Variants in LBP observed in about 807,000 individuals in gnomAD.
LBP encodes the protein lipopolysaccharide binding protein, also known as lipopolysaccharide-binding protein.
In LBP, 53 loss-of-function variants were observed where a neutral mutation model predicts 56.6. That is an observed-to-expected ratio of 0.94 (90% CI 0.75 to 1.18). LBP has a LOEUF of 1.18. Ranked by LOEUF, LBP falls within the 50% of genes most tolerant of loss-of-function variation. The probability of loss-of-function intolerance (pLI) is 0.00; values close to 1 mark genes in which losing one functional copy is unlikely to be tolerated. For synonymous variants in LBP, 227 were observed against 247.5 expected (o/e 0.92, Z 0.78); for missense variants, 601 against 598.3 (o/e 1.00, Z -0.05).
chr20:38,352,038 TAAAA>T (rs1326621621), intron 3 of LBP, among the ~76,000 whole-genome samples: 5 of 120,126 alleles, frequency 4.2e-5, no homozygotes, highest in African/African-American at 1.6e-4. Flanking sequence ...ACTCCATCTC[TAAAA>T]AAAAAAAAAA....
rs761893532 is a variant in LBP at position 38,355,391 on chromosome 20, G to A, written c.570G>A (p.Gln190=). ...LFHNQIESKF[Q]KVLESRICEM... is the part of the protein sequence containing the mutation. The stretch of plus-strand genomic sequence containing the variant: ...ACAACCAGATTGAGTCCAAGTTCCA[G>A]AAAGTACTGGAGAGCAGGGTAAGAA... The change falls in exon 5 of 15, where the codon CAG becomes CAA. Residue 190 remains glutamine, a synonymous_variant. Coordinates refer to ENST00000217407, the MANE Select transcript of LBP (RefSeq NM_004139.5). 2.5e-6 allele frequency: 4 copies of A among 1,613,620 alleles called. No individual in the cohort carries two copies. In the African/African-American group the frequency reaches 5.3e-5, roughly 22 times the overall value.
At chr20:38,349,697 G>A (rs1481869976) in intron 2 of LBP, 35 bp downstream of exon 2, 2 of 1,412,328 alleles carry the variant, frequency 1.4e-6, no homozygotes, top group Non-Finnish European at 2.0e-6. Context: ...CTCTGAAGTG[G>A]CTGGAGCTGG....
chr20:38,372,988 C>T, intron 12 of LBP, 84 bp from the exon 13 acceptor site: 1 of 1,188,494 alleles, frequency 8.4e-7, no homozygotes, highest in Non-Finnish European at 1.3e-6. Context: ...TTTGCTTTTC[C>T]CAAGCGTTTT....
chr20:38,362,053 C>CTTTTTTTTTTTTTTTTTTT (rs1229689650), intron 6 of LBP, among the ~76,000 whole-genome samples: 2 of 117,672 alleles, frequency 1.7e-5, no homozygotes, highest in African/African-American at 3.2e-5. Context: ...TTTTTGTTTT[C>CTTTTTTTTTTTTTTTTTTT]TTTTTTTTTT....
At chr20:38,356,339 C>G (rs1032297016) in intron 5 of LBP, among the ~76,000 whole-genome samples, 1 of 136,242 alleles carries the variant, frequency 7.3e-6, no homozygotes, top group Non-Finnish European at 1.6e-5. Context: ...CACCCACACC[C>G]CCTACATGCA....
intron 7 of LBP, 79 bp from the exon 8 acceptor site, chr20:38,364,497 G>C (rs747585167): frequency 1.5e-6 from 2 of 1,362,012 alleles, no homozygotes; most frequent in South Asian, 1.2e-5. Context: ...TCCCTTCATC[G>C]GACTGTGTAG....
chr20:38,375,953 C>T (rs1035964349), intron 14 of LBP, among the ~76,000 whole-genome samples: 1 of 152,190 alleles, frequency 6.6e-6, no homozygotes, highest in South Asian at 2.1e-4. Context: ...CACTTAACTG[C>T]TCTTGAGCAT....
At chr20:38,361,457 T>C (rs1179649318) in intron 6 of LBP, among the ~76,000 whole-genome samples, 1 of 152,102 alleles carries the variant, frequency 6.6e-6, no homozygotes, top group East Asian at 1.9e-4. Flanking sequence ...CAGGCTGGAG[T>C]GCAGTGGTGT....
At chr20:38,360,675 C>G (rs748407143) in intron 5 of LBP, 29 bp from the exon 6 acceptor site, 5 of 1,554,070 alleles carry the variant, frequency 3.2e-6, no homozygotes, top group Non-Finnish European at 4.4e-6. Flanking sequence ...GGGGAACTCA[C>G]TCAGTCATTC....
rs771554998 is a variant in LBP, at chr20:38,368,953, A to T, written c.982-42A>T. On this transcript the variant is annotated intron_variant, in intron 9 of 14. Transcript: ENST00000217407. The stretch of plus-strand genomic sequence containing the variant: ...CTCAGGCCTCTCCTGGCAGACTTGT[A>T]TATTTTCTTCTCTTGATGTAATCTC... The T allele has an allele frequency of 1.9e-6, 3 of 1,599,058 alleles. 1 individual carries two copies. The highest frequency in any genetic ancestry group is 2.2e-5 in the South Asian group (2 of 90,744).
rs772890181 is a variant in LBP, at chr20:38,373,929, A to G, written c.1325-8A>G. 1.9e-6 allele frequency: 3 copies of G among 1,613,454 alleles called. No individual in the cohort carries two copies. The highest frequency in any genetic ancestry group is 2.5e-6 in the Non-Finnish European group (3 of 1,179,384). ...CAATCTCTTTCAATGTTGTGCTTCA[A>G]CCTCTAGATAAGTTGGCCGAAGGCT... On this transcript the variant is annotated splice_polypyrimidine_tract_variant and splice_region_variant and intron_variant, in intron 13 of 14. Coordinates refer to ENST00000217407, the MANE Select transcript of LBP (RefSeq NM_004139.5).
At position 38,354,825 on chromosome 20, in the gene LBP, G is replaced by A. The variant is rs546747160; in HGVS notation, c.524+386G>A. On this transcript the variant is annotated intron_variant, in intron 4 of 14. Coordinates refer to ENST00000217407, the MANE Select transcript of LBP (RefSeq NM_004139.5). The stretch of plus-strand genomic sequence containing the variant: ...TGACCGGGTGTGGTGGCTCACGCCT[G>A]TAATCCTAACAATTTGAGACGCCAA... Among the ~76,000 whole-genome samples, 35 of 152,282 alleles carry A rather than the reference G, an allele frequency of 2.3e-4. No individual in the cohort carries two copies. In the South Asian group the frequency reaches 5.6e-3, roughly 24 times the overall value.
At chr20:38,347,719 C>A (rs868675055) in intron 1 of LBP, among the ~76,000 whole-genome samples, 1 of 152,156 alleles carries the variant, frequency 6.6e-6, no homozygotes, top group Middle Eastern at 3.2e-3. Context: ...CACTTCTGTC[C>A]TGTTGCATGT....
chr20:38,360,815 T>C, intron 6 of LBP, 48 bp downstream of exon 6: 1 of 1,346,340 alleles, frequency 7.4e-7, no homozygotes, highest in Non-Finnish European at 1.1e-6. Flanking sequence ...TGTTAATTTC[T>C]ATAAGAGCAT....
chr20:38,372,664 G>A (rs2076904658), intron 12 of LBP, among the ~76,000 whole-genome samples: 1 of 152,170 alleles, frequency 6.6e-6, no homozygotes, highest in South Asian at 2.1e-4. Flanking sequence ...AATCAGACAT[G>A]CACGTAAAGC....
chr20:38,376,422 G>A (rs1197739243), intron 14 of LBP, among the ~76,000 whole-genome samples: 3 of 152,190 alleles, frequency 2.0e-5, no homozygotes, highest in Admixed American at 6.5e-5. Context: ...ATGACAGATC[G>A]ATCTCTACCT....
Position 38,346,550 on chromosome 20 carries a change from C to T in LBP, c.34C>T (p.Leu12=). ...GALARALPSI[L]LALLLTSTPE... is the part of the protein sequence containing the mutation. ...CTTGGCCAGAGCCCTGCCGTCCATA[C>T]TGCTGGCATTGCTGCTTACGTCCAC... The change falls in exon 1 of 15, where the codon CTG becomes TTG. Residue 12 remains leucine (L), a synonymous_variant. Transcript: ENST00000217407. 6.2e-7 allele frequency: 1 copy of T among 1,613,852 alleles called. No homozygotes were observed. Among genetic ancestry groups the T allele is most frequent in the Non-Finnish European group, 8.5e-7 (1 of 1,180,008 alleles).
At chr20:38,357,811 G>A (rs924463592) in intron 5 of LBP, among the ~76,000 whole-genome samples, 9 of 152,166 alleles carry the variant, frequency 5.9e-5, no homozygotes, top group Admixed American at 1.3e-4. Flanking sequence ...CAGAACTGAG[G>A]GTTCCTTCCC....
rs113464344 is a variant in LBP, at chr20:38,363,566, G to A, written c.653-409G>A. Among the ~76,000 whole-genome samples the A allele has an allele frequency of 9.2e-5, 14 of 152,326 alleles. 3 individuals are homozygous for A. The highest frequency in any genetic ancestry group is 2.6e-4 in the African/African-American group (11 of 41,568). On this transcript the variant is annotated intron_variant, in intron 6 of 14. Transcript: ENST00000217407. ...TACCAGAGGTCCAGGTCGGCAACCCGGTACTGGGACTTGGAACATTCATCC... is the reference window on the plus strand; with the variant it reads ...TACCAGAGGTCCAGGTCGGCAACCCAGTACTGGGACTTGGAACATTCATCC...
Sources: gnomAD v4.1 joint callset for allele counts (sites outside exome capture counted in the v4.1 genomes callset) on GRCh38, gnomAD v4.1.1 for gene constraint, MANE v1.5 for transcripts, NCBI Gene and HGNC (gene_info 2026-07-23, HGNC 2026-07-21) for gene names.